B3GALT1: variants seen among roughly 807,000 people sequenced by gnomAD.
B3GALT1 encodes the protein beta-1,3-galactosyltransferase 1.
In B3GALT1, 10 loss-of-function variants were observed where a neutral mutation model predicts 23.2. The ratio of observed to expected loss-of-function variants is 0.43; its 90% CI spans 0.27 to 0.73. B3GALT1 has a LOEUF of 0.73. Among genes scored for constraint, B3GALT1 ranks in the 30% least tolerant of loss-of-function variants. B3GALT1 has a pLI of 0.21. For missense variants in B3GALT1, 299 were observed against 405.4 expected, an observed-to-expected ratio of 0.74 and a Z score of 2.25; for synonymous variants, 156 against 141.5, an observed-to-expected ratio of 1.10 and a Z score of -0.73.
At chr2:167,553,912 A>G (rs914402963) in intron 2 of B3GALT1, among the ~76,000 whole-genome samples, 3 of 152,226 alleles carry the variant, frequency 2.0e-5, no homozygotes, top group African/African-American at 7.2e-5. Flanking sequence ...TGAGAGGCAT[A>G]ATTATATGGT....
chr2:167,830,834 C>T (rs112155202), intron 4 of B3GALT1, among the ~76,000 whole-genome samples: 1 of 152,272 alleles, frequency 6.6e-6, no homozygotes, highest in South Asian at 2.1e-4. Context: ...CTGAACTGAC[C>T]GTTCCCAGGA....
intron 1 of B3GALT1, among the ~76,000 whole-genome samples, chr2:167,413,626 A>T (rs567562018): frequency 6.6e-6 from 1 of 151,984 alleles, no homozygotes; most frequent in East Asian, 1.9e-4. Context: ...TTTATCTCCC[A>T]TTCTTTGCTT....
chr2:167,825,421 A>G (rs1478213094), intron 4 of B3GALT1, among the ~76,000 whole-genome samples: 3 of 148,832 alleles, frequency 2.0e-5, no homozygotes, highest in Admixed American at 1.4e-4. Context: ...GAAAGAACCA[A>G]TAAGATATAT....
intron 3 of B3GALT1, among the ~76,000 whole-genome samples, chr2:167,763,352 C>A (rs543809263): frequency 7.2e-5 from 11 of 152,184 alleles, no homozygotes; most frequent in African/African-American, 2.2e-4. Flanking sequence ...CATAAAGGGA[C>A]AACTTTGTTT....
intron 2 of B3GALT1, among the ~76,000 whole-genome samples, chr2:167,494,382 A>T (rs1699750253): frequency 6.6e-6 from 1 of 152,010 alleles, no homozygotes; most frequent in Non-Finnish European, 1.5e-5. Flanking sequence ...TTAGGGAAAA[A>T]AATAAATACC....
At position 167,662,184 on chromosome 2, in the gene B3GALT1, G is replaced by GT. The variant is rs1437671259; in HGVS notation, c.-352+15220dup. 2.0e-5 allele frequency among the ~76,000 whole-genome samples: 3 copies of GT among 151,856 alleles called. No individual in the cohort carries two copies. In the East Asian group the frequency reaches 5.8e-4, roughly 30 times the overall value. ...AAAATATTGTTATAATAACATTATTGTTGCCCCATGAATGGTTTCCATCAC... is the reference window on the plus strand; with the variant it reads ...AAAATATTGTTATAATAACATTATTGTTTGCCCCATGAATGGTTTCCATCAC... On this transcript the variant is annotated intron_variant, in intron 3 of 4. Coordinates refer to ENST00000392690, the MANE Select transcript of B3GALT1 (RefSeq NM_020981.4).
chr2:167,707,743 C>T (rs1686987129), intron 3 of B3GALT1, among the ~76,000 whole-genome samples: 1 of 152,188 alleles, frequency 6.6e-6, no homozygotes, highest in South Asian at 2.1e-4. Flanking sequence ...CTTAAATCCC[C>T]TTTCCATGTA....
At chr2:167,456,789 C>T (rs898103537) in intron 1 of B3GALT1, among the ~76,000 whole-genome samples, 1 of 152,158 alleles carries the variant, frequency 6.6e-6, no homozygotes, top group African/African-American at 2.4e-5. Flanking sequence ...AGCTTCTGTG[C>T]CCTCTCCAGG....
intron 3 of B3GALT1, among the ~76,000 whole-genome samples, chr2:167,757,021 C>T (rs1334462104): frequency 6.6e-6 from 1 of 152,118 alleles, no homozygotes; most frequent in African/African-American, 2.4e-5. Flanking sequence ...ACTTCTCAAC[C>T]ATTTTGTTTG....
At chr2:167,606,885 A>G (rs777293386) in intron 2 of B3GALT1, among the ~76,000 whole-genome samples, 1 of 152,242 alleles carries the variant, frequency 6.6e-6, no homozygotes, top group Non-Finnish European at 1.5e-5. Context: ...CTTCAAAATA[A>G]GGATGTAGAA....
At chr2:167,393,199 A>T (rs908755738) in intron 1 of B3GALT1, among the ~76,000 whole-genome samples, 1 of 150,924 alleles carries the variant, frequency 6.6e-6, no homozygotes, top group South Asian at 2.1e-4. Context: ...GCGCCACTGC[A>T]CTCCAGCCTG....
At chr2:167,809,189 TC>T (rs1688826129) in intron 3 of B3GALT1, among the ~76,000 whole-genome samples, 3 of 152,006 alleles carry the variant, frequency 2.0e-5, no homozygotes, top group African/African-American at 4.8e-5. Context: ...ATTCGTCTAA[TC>T]TTTTTTCAAG....
intron 3 of B3GALT1, among the ~76,000 whole-genome samples, chr2:167,657,998 A>T (rs1437506439): frequency 6.6e-6 from 1 of 151,788 alleles, no homozygotes; most frequent in Non-Finnish European, 1.5e-5. Flanking sequence ...ATTCATTCCC[A>T]CCAACATAAA....
intron 2 of B3GALT1, among the ~76,000 whole-genome samples, chr2:167,587,487 G>A (rs968186626): frequency 1.3e-5 from 2 of 152,190 alleles, no homozygotes; most frequent in Non-Finnish European, 2.9e-5. Flanking sequence ...GGAACTCACA[G>A]CGAGTGTGCT....
intron 3 of B3GALT1, among the ~76,000 whole-genome samples, chr2:167,727,034 G>A (rs1482785325): frequency 6.6e-6 from 1 of 152,132 alleles, no homozygotes; most frequent in Non-Finnish European, 1.5e-5. Flanking sequence ...TTTGTCCCAG[G>A]TAACAGGCAA....
At chr2:167,352,152 A>G (rs1331594540) in intron 1 of B3GALT1, among the ~76,000 whole-genome samples, 2 of 143,452 alleles carry the variant, frequency 1.4e-5, no homozygotes, top group Non-Finnish European at 3.0e-5. Context: ...GTATTTTCGT[A>G]GAGAAGGGGT....
intron 1 of B3GALT1, among the ~76,000 whole-genome samples, chr2:167,437,804 T>C (rs73023880): frequency 0.011 from 1,658 of 152,294 alleles, 30 homozygotes; most frequent in African/African-American, 0.038. Flanking sequence ...TGTGTTGCCT[T>C]TGAGTCCCAG....
At chr2:167,632,679 G>C (rs932787699) in intron 2 of B3GALT1, among the ~76,000 whole-genome samples, 10 of 151,942 alleles carry the variant, frequency 6.6e-5, no homozygotes, top group Non-Finnish European at 1.3e-4. Flanking sequence ...TAAGTTCCTT[G>C]TAGATTCTGG....
At chr2:167,715,773 G>A in intron 3 of B3GALT1, 2 of 1,613,250 alleles carry the variant, frequency 1.2e-6, no homozygotes, top group Non-Finnish European at 8.5e-7. Flanking sequence ...TTTGGAATAA[G>A]GCTAAATTTT....
Sources: allele counts gnomAD v4.1 joint callset (sites outside exome capture counted in the v4.1 genomes callset), GRCh38; gene constraint gnomAD v4.1.1; transcripts MANE v1.5; gene names NCBI Gene and HGNC (gene_info 2026-07-23, HGNC 2026-07-21).